Variants in DMD observed in about 807,000 individuals in gnomAD.
DMD encodes mutant dystrophin.
Under a neutral mutation model 330.1 loss-of-function variants are expected in DMD, and 63 were observed. That is an observed-to-expected ratio of 0.19 (90% CI 0.16 to 0.24). The LOEUF (loss-of-function observed/expected upper bound fraction) is 0.24. DMD is among the 10% of genes least tolerant of loss of function. The pLI, the probability that DMD is intolerant of heterozygous loss-of-function variation, is 1.00. For missense variants in DMD, 3,344 were observed against 2,684.1 expected (o/e 1.25, Z -5.43); for synonymous variants, 1,223 against 959.8 (o/e 1.27, Z -5.07).
intron 18 of DMD, among the ~76,000 whole-genome samples, chrX:32,502,663 T>C (rs2044173177): frequency 3.6e-5 from 4 of 112,509 alleles, no homozygotes; most frequent in South Asian, 7.2e-4. Flanking sequence ...AATTAAAATA[T>C]AGTAAGAACA....
intron 13 of DMD, among the ~76,000 whole-genome samples, chrX:32,580,016 T>C (rs1436541381): frequency 3.6e-5 from 4 of 109,747 alleles, no homozygotes; most frequent in African/African-American, 1.3e-4. Context: ...AATGTCTTTT[T>C]TTTTTTTTTT....
chrX:32,179,139 C>T (rs2096918514), intron 44 of DMD, among the ~76,000 whole-genome samples: 1 of 110,919 alleles, frequency 9.0e-6, no homozygotes, highest in Admixed American at 9.7e-5. Flanking sequence ...ATTTAAGCTA[C>T]CATACAAGCC....
intron 62 of DMD, among the ~76,000 whole-genome samples, chrX:31,305,101 T>C (rs747512794): frequency 1.8e-5 from 2 of 111,984 alleles, no homozygotes; most frequent in African/African-American, 3.2e-5. Flanking sequence ...TTAAGACATC[T>C]CTTTAAAAAA....
intron 45 of DMD, among the ~76,000 whole-genome samples, chrX:31,959,671 T>C (rs1424721833): frequency 9.1e-6 from 1 of 110,449 alleles, no homozygotes; most frequent in Non-Finnish European, 1.9e-5. Context: ...ATGCTGAAAA[T>C]AATCTCAATG....
intron 43 of DMD, among the ~76,000 whole-genome samples, chrX:32,270,913 A>G (rs371116695): frequency 9.0e-6 from 1 of 111,613 alleles, no homozygotes; most frequent in South Asian, 3.7e-4. Flanking sequence ...GCTGACTAAT[A>G]TTGATTGACT....
At chrX:31,286,988 C>T (rs1197271713) in intron 62 of DMD, among the ~76,000 whole-genome samples, 4 of 112,386 alleles carry the variant, frequency 3.6e-5, no homozygotes, top group Non-Finnish European at 7.5e-5. Flanking sequence ...TGGTCTAAAC[C>T]TCCTGGGATT....
At chrX:32,412,411 GATTT>G (rs2098146704) in intron 29 of DMD, among the ~76,000 whole-genome samples, 1 of 111,919 alleles carries the variant, frequency 8.9e-6, no homozygotes, top group African/African-American at 3.2e-5. Context: ...TCTGGTTAAA[GATTT>G]ATTTTGAATA....
chrX:32,750,362 C>T (rs935290115), intron 7 of DMD, among the ~76,000 whole-genome samples: 2 of 111,198 alleles, frequency 1.8e-5, no homozygotes, highest in Admixed American at 1.9e-4. Flanking sequence ...TGAAGTTAGG[C>T]GAAATTTGAT....
At chrX:31,803,158 A>C (rs759568153) in intron 50 of DMD, among the ~76,000 whole-genome samples, 1 of 112,036 alleles carries the variant, frequency 8.9e-6, no homozygotes, top group South Asian at 3.8e-4. Flanking sequence ...AGGGTGAGAA[A>C]GCTCACAAAA....
In DMD at chrX:32,708,686, A is replaced by G. The variant is rs183831383; in HGVS notation, c.650-9393T>C. Among the ~76,000 whole-genome samples, 328 of 111,742 alleles carry G rather than the reference A, an allele frequency of 2.9e-3. 2 individuals are homozygous for G. Among genetic ancestry groups the G allele is most frequent in the African/African-American group, 1.0e-2 (307 of 30,767 alleles). Reference sequence around the variant, plus strand: ...AAGCAATTAATCACGTTTTATAATTAGAATGGCTCCATTTCCTAATTCCTA... The same window carrying G: ...AAGCAATTAATCACGTTTTATAATTGGAATGGCTCCATTTCCTAATTCCTA... On this transcript the variant is annotated intron_variant, in intron 7 of 78. Transcript: ENST00000357033.
At chrX:32,101,194 T>C (rs1245519960) in intron 44 of DMD, among the ~76,000 whole-genome samples, 1 of 112,204 alleles carries the variant, frequency 8.9e-6, no homozygotes, top group Non-Finnish European at 1.9e-5. Context: ...CTGAGTTTTC[T>C]TCTTTTCACC....
intron 63 of DMD, among the ~76,000 whole-genome samples, chrX:31,252,531 A>G (rs1221430929): frequency 9.0e-6 from 1 of 111,681 alleles, no homozygotes; most frequent in Non-Finnish European, 1.9e-5. Context: ...GTATGGTAGC[A>G]TTATTTCCCA....
chrX:32,123,339 C>T (rs2096647332), intron 44 of DMD, among the ~76,000 whole-genome samples: 1 of 102,300 alleles, frequency 9.8e-6, no homozygotes, highest in Admixed American at 1.1e-4. Context: ...GTTAGAATTG[C>T]CTACAGGGCT....
intron 60 of DMD, among the ~76,000 whole-genome samples, chrX:31,399,578 T>C (rs921952839): frequency 3.6e-5 from 4 of 111,366 alleles, no homozygotes; most frequent in Non-Finnish European, 5.7e-5. Flanking sequence ...TGCCCTCTTC[T>C]GCCCAGAATT....
At chrX:31,958,120 T>TA (rs201297224) in intron 45 of DMD, among the ~76,000 whole-genome samples, 31 of 93,055 alleles carry the variant, frequency 3.3e-4, no homozygotes, top group African/African-American at 1.2e-3. Flanking sequence ...TTTTTTTTTT[T>TA]AAAAATGGTA....
At chrX:32,977,246 G>A (rs2092578416) in intron 2 of DMD, among the ~76,000 whole-genome samples, 1 of 111,090 alleles carries the variant, frequency 9.0e-6, no homozygotes, top group African/African-American at 3.3e-5. Context: ...GTTGCATTGA[G>A]CCGAGATCAT....
At chrX:31,626,977 A>T (rs949414291) in intron 55 of DMD, among the ~76,000 whole-genome samples, 3 of 111,977 alleles carry the variant, frequency 2.7e-5, no homozygotes, top group African/African-American at 9.7e-5. Flanking sequence ...CAGGAAAATT[A>T]TATCAGGTAT....
At chrX:32,685,869 T>C (rs903107662) in intron 9 of DMD, among the ~76,000 whole-genome samples, 3 of 112,139 alleles carry the variant, frequency 2.7e-5, no homozygotes, top group Non-Finnish European at 1.9e-5. Context: ...ACTGTATTTC[T>C]ATTAAACTTT....
intron 63 of DMD, among the ~76,000 whole-genome samples, chrX:31,242,700 ATGTGTGTGTG>A (rs3138883): frequency 1.4e-4 from 13 of 95,100 alleles, no homozygotes; most frequent in East Asian, 3.4e-4. Context: ...ACAATAAGAT[ATGTGTGTGTG>A]TGTGTGTGTG....
Sources: gnomAD v4.1 joint callset for allele counts (sites outside exome capture counted in the v4.1 genomes callset) on GRCh38, gnomAD v4.1.1 for gene constraint, MANE v1.5 for transcripts, NCBI Gene and HGNC (gene_info 2026-07-23, HGNC 2026-07-21) for gene names.